Variants in PTPN14 observed in about 807,000 individuals in gnomAD.
PTPN14 encodes protein tyrosine phosphatase non-receptor type 14, also known as tyrosine-protein phosphatase non-receptor type 14.
PTPN14 carries 53 observed loss-of-function variants against 126.8 expected under a neutral mutation model. That is an observed-to-expected ratio of 0.42 (90% CI 0.34 to 0.53). The LOEUF is 0.53. PTPN14 is among the 20% of genes least tolerant of loss of function. The pLI, the probability that PTPN14 is intolerant of heterozygous loss-of-function variation, is 0.08. For missense variants in PTPN14, 1,257 were observed against 1,552.9 expected (o/e 0.81, Z 3.20); for synonymous variants, 630 against 599.3 (o/e 1.05, Z -0.75).
chr1:214,428,656 A>G (rs1659731552), intron 3 of PTPN14, among the ~76,000 whole-genome samples: 1 of 152,194 alleles, frequency 6.6e-6, no homozygotes, highest in Non-Finnish European at 1.5e-5. Flanking sequence ...AGTCCAGATT[A>G]AGAATGGCAA....
At chr1:214,360,270 CTTGTTCAACACCAACTAAGGAATGCATA>C (rs1465803798) in intron 18 of PTPN14, among the ~76,000 whole-genome samples, 1 of 152,218 alleles carries the variant, frequency 6.6e-6, no homozygotes, top group Admixed American at 6.5e-5. Flanking sequence ...ATCAGTCACT[CTTGTTCAACACCAACTAAGGAATGCATA>C]TCACAAACTT....
chr1:214,471,067 C>A (rs1485046505), intron 1 of PTPN14, among the ~76,000 whole-genome samples: 4 of 148,392 alleles, frequency 2.7e-5, no homozygotes, highest in Admixed American at 6.7e-5. Flanking sequence ...TACACTTGAA[C>A]CCCCTAAATC....
intron 9 of PTPN14, among the ~76,000 whole-genome samples, chr1:214,394,533 G>A (rs757150789): frequency 3.2e-4 from 49 of 152,180 alleles, no homozygotes; most frequent in Middle Eastern, 3.4e-3. Context: ...TCAGCCTCCC[G>A]AGTAGCTGGG....
chr1:214,537,242 G>C (rs1417320107), intron 1 of PTPN14, among the ~76,000 whole-genome samples: 1 of 152,074 alleles, frequency 6.6e-6, no homozygotes, highest in Non-Finnish European at 1.5e-5. Flanking sequence ...TCACTGCTAG[G>C]GAAAATAATG....
intron 10 of PTPN14, among the ~76,000 whole-genome samples, chr1:214,393,302 G>A (rs774010600): frequency 6.6e-6 from 1 of 152,112 alleles, no homozygotes; most frequent in Non-Finnish European, 1.5e-5. Flanking sequence ...TGACAGGAGC[G>A]TCTTCTCTTT....
chr1:214,486,284 C>T (rs1661111073), intron 1 of PTPN14, among the ~76,000 whole-genome samples: 1 of 152,172 alleles, frequency 6.6e-6, no homozygotes, highest in South Asian at 2.1e-4. Flanking sequence ...GAGGCATTAT[C>T]CTCAGTCTAC....
At chr1:214,370,332 T>C (rs1027797580) in intron 16 of PTPN14, among the ~76,000 whole-genome samples, 2 of 147,988 alleles carry the variant, frequency 1.4e-5, no homozygotes, top group African/African-American at 5.0e-5. Flanking sequence ...GTGGCTGGAG[T>C]GTGACATGTG....
Position 214,383,791 on chromosome 1 carries a change from C to T in PTPN14, c.2064G>A (p.Gln688=). ...EEGSGSHEVP[Q]LPQYHHKKTF... ...TCTTCTTGTGGTGATACTGAGGGAG[C>T]TGGGGGACCTCGTGGCTGCCTGACC... Residue 688 remains glutamine, a synonymous_variant, in exon 13 of 19, where the codon CAG becomes CAA. Transcript: ENST00000366956. This position sits in a 1 kb window ranked among gnomAD's most constrained non-coding sequence, Gnocchi z 4.4. The T allele has an allele frequency of 6.2e-7, 1 of 1,612,932 alleles. No individual in the cohort carries two copies. The highest frequency in any genetic ancestry group is 1.7e-4 in the Middle Eastern group (1 of 6,060).
In PTPN14 at chr1:214,383,281, G is replaced by A; in HGVS notation, c.2544+30C>T. 2.5e-6 allele frequency: 4 copies of A among 1,590,576 alleles called. No homozygotes were observed. Among genetic ancestry groups the A allele is most frequent in the Non-Finnish European group, 3.4e-6 (4 of 1,164,192 alleles). ...GCCTGAAGCATGTGCTTTCACACTG[G>A]AAAATGCCCTGGGAGAGGAGGACAC... On this transcript the variant is annotated intron_variant, in intron 13 of 18. Transcript: ENST00000366956. The surrounding 1 kb of genome is among the most constrained non-coding windows in gnomAD (Gnocchi z 4.4).
At chr1:214,490,699 T>G (rs1184838440) in intron 1 of PTPN14, among the ~76,000 whole-genome samples, 1 of 150,184 alleles carries the variant, frequency 6.7e-6, no homozygotes, top group Non-Finnish European at 1.5e-5. Context: ...TAGCCAGGCG[T>G]GGTGGTGCGC....
At chr1:214,388,055 C>A (rs1658663677) in intron 11 of PTPN14, among the ~76,000 whole-genome samples, 1 of 152,076 alleles carries the variant, frequency 6.6e-6, no homozygotes. Context: ...TAGACTGAAC[C>A]TGAATAACTT....
At chr1:214,474,452 G>T (rs1660826486) in intron 1 of PTPN14, among the ~76,000 whole-genome samples, 1 of 152,112 alleles carries the variant, frequency 6.6e-6, no homozygotes, top group Non-Finnish European at 1.5e-5. Context: ...TTACAGACAA[G>T]CACATTGACA....
At chr1:214,494,501 A>G (rs190760895) in intron 1 of PTPN14, among the ~76,000 whole-genome samples, 184 of 152,354 alleles carry the variant, frequency 1.2e-3, no homozygotes, top group African/African-American at 4.4e-3. Context: ...TTTGGTCAAA[A>G]TAGGAACAAG....
chr1:214,464,509 G>A (rs1035416604), intron 2 of PTPN14, 121 bp downstream of exon 2: 8 of 1,321,954 alleles, frequency 6.1e-6, no homozygotes, highest in African/African-American at 4.4e-5. Flanking sequence ...ACACATCGTC[G>A]CTTAGGCCAA....
intron 3 of PTPN14, among the ~76,000 whole-genome samples, chr1:214,434,643 G>A (rs1464137919): frequency 6.6e-6 from 1 of 152,166 alleles, no homozygotes; most frequent in East Asian, 1.9e-4. Flanking sequence ...GAAATCAAAA[G>A]CAAGGAATCT....
chr1:214,424,829 G>A (rs1026014313), intron 3 of PTPN14, among the ~76,000 whole-genome samples: 21 of 152,110 alleles, frequency 1.4e-4, no homozygotes, highest in African/African-American at 5.1e-4. Flanking sequence ...GATTGCAGGT[G>A]TGAGACACCG....
chr1:214,546,116 A>C (rs1293258626), intron 1 of PTPN14, among the ~76,000 whole-genome samples: 1 of 152,226 alleles, frequency 6.6e-6, no homozygotes, highest in African/African-American at 2.4e-5. Context: ...GGGGTGGGTG[A>C]ACCAAGCAAG....
In PTPN14 at chr1:214,520,618, G is replaced by A. The variant is rs548606553; in HGVS notation, c.-155+30565C>T. On this transcript the variant is annotated intron_variant, in intron 1 of 18. Coordinates refer to ENST00000366956, the MANE Select transcript of PTPN14 (RefSeq NM_005401.5). ...ACTCACCCATAACCACTGCACTGAT[G>A]GTCATCTCTCCACGGTAGGAAGAGA... Among the ~76,000 whole-genome samples the A allele has an allele frequency of 2.0e-5, 3 of 152,212 alleles. No individual in the cohort carries two copies. The South Asian group carries it at 6.2e-4, about 32-fold the overall frequency.
chr1:214,359,150 T>C (rs754465855), intron 18 of PTPN14, among the ~76,000 whole-genome samples: 2 of 152,128 alleles, frequency 1.3e-5, no homozygotes, highest in Non-Finnish European at 2.9e-5. Flanking sequence ...CTTTAAAATG[T>C]CAAAGCGCCA....
Sources: allele counts gnomAD v4.1 joint callset (sites outside exome capture counted in the v4.1 genomes callset), GRCh38; gene constraint gnomAD v4.1.1; non-coding constraint Gnocchi (gnomAD v3.1); transcripts MANE v1.5; gene names NCBI Gene and HGNC (gene_info 2026-07-23, HGNC 2026-07-21).